PREPL: variants seen among roughly 807,000 people sequenced by gnomAD.
PREPL encodes prolyl endopeptidase-like.
A neutral mutation model predicts 70.6 loss-of-function variants in PREPL; 77 were observed. The observed-to-expected ratio is 1.09, with a 90% CI of 0.91 to 1.32. PREPL has a LOEUF of 1.32. Among genes scored for constraint, PREPL ranks in the 40% most tolerant of loss-of-function variants. The pLI is 0.00. For missense variants in PREPL, 1,002 were observed against 778.2 expected (o/e 1.29, Z -3.42); for synonymous variants, 315 against 264.8 (o/e 1.19, Z -1.84).
chr2:44,333,696 T>C (rs996754160), intron 7 of PREPL, among the ~76,000 whole-genome samples: 4 of 152,192 alleles, frequency 2.6e-5, no homozygotes, highest in Non-Finnish European at 5.9e-5. Flanking sequence ...AAGCTCCTAA[T>C]GTATGCTTCT....
chr2:44,323,409 T>TGCCTAAAAAAAAGGC lies in PREPL; in HGVS notation c.1480-13_1481dup (p.Phe496_Leu497insPheTer). The TGCCTAAAAAAAAGGC allele has an allele frequency of 6.3e-7, 1 of 1,576,038 alleles. No homozygotes were observed. The highest frequency in any genetic ancestry group is 8.6e-7 in the Non-Finnish European group (1 of 1,165,242). On this transcript the variant is annotated stop_gained and inframe_insertion and splice_region_variant, in exon 11 of 14. Coordinates refer to ENST00000409411, the MANE Select transcript of PREPL (RefSeq NM_001171613.2). LOFTEE classifies it high-confidence loss of function. ...TGGTGTTGAGAACATCCAAGAAAGGTGCCTAAAAAAAAGGCAAAGAAACTT... is the reference window on the plus strand; with the variant it reads ...TGGTGTTGAGAACATCCAAGAAAGGTGCCTAAAAAAAAGGCGCCTAAAAAAAAGGCAAAGAAACTT...
chr2:44,322,791 C>A lies in PREPL; in HGVS notation c.1693G>T (p.Val565Leu), dbSNP rs762393234. The change falls in exon 12 of 14, where the codon GTA (valine) becomes TTA (leucine). Residue 565 changes from valine to leucine, a missense_variant. Val to Leu is a conservative substitution (Grantham distance 32). Coordinates refer to ENST00000409411, the MANE Select transcript of PREPL (RefSeq NM_001171613.2). Reference sequence around the variant, plus strand: ...TCCTTGAGTTTCTCAGTATAACTTACAATTCCTTTCAGAGGTACCCGTTCA... The same window carrying A: ...TCCTTGAGTTTCTCAGTATAACTTAAAATTCCTTTCAGAGGTACCCGTTCA... Reference protein sequence around the residue: ...NDERVPLKGIVSYTEKLKEAI... With the variant: ...NDERVPLKGILSYTEKLKEAI... 14 of 1,613,810 alleles carry A rather than the reference C, an allele frequency of 8.7e-6. No individual in the cohort carries two copies. The highest frequency in any genetic ancestry group is 5.0e-5 in the Admixed American group (3 of 59,990).
chr2:44,353,862 C>T (rs1242089625), intron 1 of PREPL, among the ~76,000 whole-genome samples: 1 of 151,600 alleles, frequency 6.6e-6, no homozygotes. Flanking sequence ...ACAAAATGAA[C>T]TCAAAATGGG....
chr2:44,356,827 A>G (rs1326886952), intron 1 of PREPL, among the ~76,000 whole-genome samples: 2 of 149,906 alleles, frequency 1.3e-5, no homozygotes, highest in Admixed American at 6.6e-5. Context: ...TTTTTTTGAG[A>G]CAGGGTATCC....
intron 8 of PREPL, among the ~76,000 whole-genome samples, chr2:44,330,664 A>C (rs1206788187): frequency 6.6e-6 from 1 of 152,220 alleles, no homozygotes; most frequent in Non-Finnish European, 1.5e-5. Flanking sequence ...ATTAAAGAAA[A>C]AAATTCCTAA....
intron 7 of PREPL, among the ~76,000 whole-genome samples, chr2:44,337,518 T>G (rs926378902): frequency 6.6e-6 from 1 of 152,164 alleles, no homozygotes; most frequent in Non-Finnish European, 1.5e-5. Flanking sequence ...TTGACTGAAA[T>G]TGCATTTTTA....
At chr2:44,342,660 G>A (rs1400218792) in intron 4 of PREPL, 108 bp from the exon 5 acceptor site, 2 of 856,646 alleles carry the variant, frequency 2.3e-6, no homozygotes, top group East Asian at 5.0e-5. Context: ...ACATGTGCAA[G>A]TTTATCCCTG....
In PREPL at chr2:44,339,140, G is replaced by A. The variant is rs1674951448; in HGVS notation, c.702+7C>T. ...CCCAAATAGGAACAACGAGCATCCA[G>A]GATTACCTTAAATTCTGTAGGTTCT... On this transcript the variant is annotated splice_region_variant and intron_variant, in intron 6 of 13. Transcript: ENST00000409411. 3.1e-6 allele frequency: 5 copies of A among 1,613,210 alleles called. No individual in the cohort carries two copies. Among genetic ancestry groups the A allele is most frequent in the Admixed American group, 1.7e-5 (1 of 59,962 alleles).
chr2:44,345,802 G>C (rs1675743500), intron 2 of PREPL, among the ~76,000 whole-genome samples: 1 of 152,042 alleles, frequency 6.6e-6, no homozygotes, highest in Non-Finnish European at 1.5e-5. Flanking sequence ...TAATAACAAA[G>C]TATGAACTAC....
intron 7 of PREPL, among the ~76,000 whole-genome samples, chr2:44,335,110 T>G (rs939469586): frequency 2.0e-5 from 3 of 152,164 alleles, no homozygotes; most frequent in Non-Finnish European, 4.4e-5. Context: ...TGATGATGAC[T>G]AGAACATTAT....
At chr2:44,333,591 C>G (rs1674337385) in intron 7 of PREPL, among the ~76,000 whole-genome samples, 1 of 150,790 alleles carries the variant, frequency 6.6e-6, no homozygotes, top group Admixed American at 6.6e-5. Flanking sequence ...CAACTACAGC[C>G]AGAGTTTACG....
intron 10 of PREPL, among the ~76,000 whole-genome samples, chr2:44,325,335 C>T (rs565888858): frequency 1.2e-4 from 18 of 152,354 alleles, no homozygotes; most frequent in Admixed American, 7.2e-4. Context: ...AGAAGTTGCA[C>T]TGGCAGTGTG....
intron 7 of PREPL, 96 bp downstream of exon 7, chr2:44,338,255 G>T: frequency 4.3e-6 from 5 of 1,163,734 alleles, no homozygotes; most frequent in Non-Finnish European, 6.0e-6. Flanking sequence ...TCAAGAAAAA[G>T]AACACTGCTG....
chr2:44,323,239 C>G (rs367648047), intron 11 of PREPL, 23 bp downstream of exon 11: 11 of 1,561,972 alleles, frequency 7.0e-6, no homozygotes, highest in Non-Finnish European at 8.7e-6. Context: ...TCAGGATAAT[C>G]TAACACAATT....
chr2:44,345,910 G>A (rs1410777026), intron 2 of PREPL, among the ~76,000 whole-genome samples: 3 of 152,150 alleles, frequency 2.0e-5, no homozygotes, highest in African/African-American at 7.2e-5. Flanking sequence ...GGGAGGCTGA[G>A]GTGGGAGGGT....
At chr2:44,322,605 A>C in intron 12 of PREPL, 126 bp downstream of exon 12, 1 of 1,302,368 alleles carries the variant, frequency 7.7e-7, no homozygotes, top group East Asian at 2.3e-5. Flanking sequence ...CAACATAGCA[A>C]AATAATTGTT....
At position 44,343,758 on chromosome 2, in the gene PREPL, A is replaced by C. The variant is rs772575204; in HGVS notation, c.336T>G (p.Asn112Lys). 1 of 1,613,592 alleles carries C rather than the reference A, an allele frequency of 6.2e-7. No individual in the cohort carries two copies. Among genetic ancestry groups the C allele is most frequent in the East Asian group, 2.2e-5 (1 of 44,874 alleles). The change falls in exon 4 of 14, where the codon AAT becomes AAG. Residue 112 changes from asparagine (N) to lysine (K), a missense_variant. Transcript: ENST00000409411. ...DQPVMEASFP[N>K]VSSFEWVKDE... is the part of the protein sequence containing the mutation. Reference sequence around the variant, plus strand: ...TTGGTGGCTTACCAAAACTGGACACATTCGGGAAAGAAGCTTCCATTACGG... The same window carrying C: ...TTGGTGGCTTACCAAAACTGGACACCTTCGGGAAAGAAGCTTCCATTACGG...
intron 1 of PREPL, among the ~76,000 whole-genome samples, chr2:44,355,998 T>A (rs1293922150): frequency 6.6e-6 from 1 of 152,154 alleles, no homozygotes; most frequent in Non-Finnish European, 1.5e-5. Flanking sequence ...AAATGTGATA[T>A]CTGGATGGAT....
At chr2:44,328,895 A>G (rs763521024) in intron 9 of PREPL, 42 bp downstream of exon 9, 8 of 1,524,080 alleles carry the variant, frequency 5.2e-6, no homozygotes, top group South Asian at 1.3e-5. Flanking sequence ...ATCTCTCACA[A>G]TGGTCTAGCA....
Sources: allele counts gnomAD v4.1 joint callset (sites outside exome capture counted in the v4.1 genomes callset), GRCh38; gene constraint gnomAD v4.1.1; transcripts MANE v1.5; gene names NCBI Gene and HGNC (gene_info 2026-07-23, HGNC 2026-07-21).